Variants in CYTIP observed in about 807,000 individuals in gnomAD.
CYTIP encodes the protein cytohesin 1 interacting protein, also known as cytohesin-interacting protein.
A neutral mutation model predicts 43.8 loss-of-function variants in CYTIP; 26 were observed. That is an observed-to-expected ratio of 0.59 (90% CI 0.44 to 0.82). CYTIP has a LOEUF of 0.82. CYTIP is among the 40% of genes least tolerant of loss of function. CYTIP has a pLI of 0.00. For missense variants in CYTIP, 426 were observed against 443.1 expected, an observed-to-expected ratio of 0.96 and a Z score of 0.35; for synonymous variants, 162 against 162.9, an observed-to-expected ratio of 0.99 and a Z score of 0.04.
intron 1 of CYTIP, 64 bp from the exon 2 acceptor site, chr2:157,434,811 AATCTCTCT>A: frequency 1.6e-6 from 1 of 639,634 alleles, no homozygotes; most frequent in Non-Finnish European, 2.4e-6. Context: ...AAATGTTCTA[AATCTCTCT>A]CTCTCTCTCT....
rs1032505735 is a variant in CYTIP, at chr2:157,427,476, T to C, written c.477-56A>G. On this transcript the variant is annotated intron_variant, in intron 5 of 7. Transcript: ENST00000264192. ...GGTGGGGAGTGAGTAACATGAGTGA[T>C]TCGTTTAAATAAGTACCATACTACA... 5.4e-6 allele frequency: 7 copies of C among 1,299,802 alleles called. No individual in the cohort carries two copies. In the Admixed American group the frequency reaches 1.1e-4, roughly 20 times the overall value. 80.5% of individuals were successfully genotyped at this position (1,299,802 alleles called of 1,614,324 possible). A position where few individuals can be genotyped will look rare whatever the true frequency, so the allele number is the denominator to read the frequency against.
chr2:157,430,054 C>CATT (rs894517116), intron 5 of CYTIP, among the ~76,000 whole-genome samples: 19 of 147,812 alleles, frequency 1.3e-4, no homozygotes, highest in African/African-American at 3.7e-4. Context: ...AAGTTTGGAA[C>CATT]ATTTGGAACA....
chr2:157,438,989 T>C, intron 1 of CYTIP: 1 of 417,366 alleles, frequency 2.4e-6, no homozygotes, highest in Admixed American at 2.5e-5. Context: ...TGTAAAATCT[T>C]TTAAACCACA....
At chr2:157,423,387 A>C (rs1204666721) in intron 6 of CYTIP, among the ~76,000 whole-genome samples, 1 of 152,010 alleles carries the variant, frequency 6.6e-6, no homozygotes, top group Non-Finnish European at 1.5e-5. Context: ...TTAAAACATC[A>C]GAATAATATT....
chr2:157,416,204 T>A, intron 7 of CYTIP, 61 bp from the exon 8 acceptor site: 1 of 1,327,020 alleles, frequency 7.5e-7, no homozygotes, highest in Non-Finnish European at 1.0e-6. Flanking sequence ...ATAAATACAC[T>A]ACATCAAAAC....
intron 5 of CYTIP, among the ~76,000 whole-genome samples, chr2:157,428,256 T>C (rs1157515367): frequency 6.6e-6 from 1 of 152,228 alleles, no homozygotes; most frequent in Non-Finnish European, 1.5e-5. Context: ...ATTTTTAAAG[T>C]GTTGGTTCAA....
chr2:157,439,310 C>T (rs1425266960), intron 1 of CYTIP: 1 of 152,392 alleles, frequency 6.6e-6, no homozygotes. Flanking sequence ...CGTCTTGACA[C>T]AAAGCCTGCT....
intron 6 of CYTIP, among the ~76,000 whole-genome samples, chr2:157,420,395 A>G (rs935958945): frequency 6.6e-6 from 1 of 152,124 alleles, no homozygotes; most frequent in Admixed American, 6.6e-5. Context: ...AGGCATCTGT[A>G]ATCTCAGGTA....
At chr2:157,439,561 A>G (rs1685870658) in intron 1 of CYTIP, 1 of 152,226 alleles carries the variant, frequency 6.6e-6, no homozygotes, top group African/African-American at 2.4e-5. Context: ...CCCTCCAGTC[A>G]GAGCCTTTTC....
intron 6 of CYTIP, among the ~76,000 whole-genome samples, chr2:157,423,412 G>A (rs1386456654): frequency 6.6e-6 from 1 of 151,278 alleles, no homozygotes; most frequent in East Asian, 2.0e-4. Flanking sequence ...TGTCAACTCA[G>A]TTAATAAATT....
At chr2:157,440,830 C>T (rs914739306) in intron 1 of CYTIP, among the ~76,000 whole-genome samples, 1 of 152,164 alleles carries the variant, frequency 6.6e-6, no homozygotes, top group Non-Finnish European at 1.5e-5. Flanking sequence ...CAACGTACTA[C>T]ATTTATGAGA....
Position 157,430,875 on chromosome 2 carries a change from CA to C in CYTIP, c.366del (p.Cys122TrpfsTer16). 1 of 1,610,320 alleles carries C rather than the reference CA, an allele frequency of 6.2e-7. No individual in the cohort carries two copies. Among genetic ancestry groups the C allele is most frequent in the Non-Finnish European group, 8.5e-7 (1 of 1,178,966 alleles). On this transcript the variant is annotated frameshift_variant, in exon 4 of 8. Coordinates refer to ENST00000264192, the MANE Select transcript of CYTIP (RefSeq NM_004288.5). LOFTEE classifies it high-confidence loss of function. The stretch of plus-strand genomic sequence containing the variant: ...TTTAAGTTACCAGCTTGCAGGCCAG[CA>C]CAGTGAGCTGGGCTGTCCTCCTGTA... ...CKIQEDSPAHCAGLQAGDVLA... is the reference protein window; with the variant it reads ...CKIQEDSPAHXAGLQAGDVLA...
At chr2:157,437,698 C>CAAAAA (rs137924124) in intron 1 of CYTIP, among the ~76,000 whole-genome samples, 1 of 118,350 alleles carries the variant, frequency 8.4e-6, no homozygotes, top group Non-Finnish European at 1.7e-5. Context: ...GACTCCATCT[C>CAAAAA]AAAAAAAAAA....
chr2:157,435,066 G>A (rs1685790796), intron 1 of CYTIP, among the ~76,000 whole-genome samples: 1 of 151,926 alleles, frequency 6.6e-6, no homozygotes. Context: ...AATACAATGT[G>A]GCAAAAGAGT....
rs1216611671 is a variant in CYTIP, at chr2:157,434,690, C to A, written c.224+8G>T. 1 of 1,604,746 alleles carries A rather than the reference C, an allele frequency of 6.2e-7. No homozygotes were observed. The highest frequency in any genetic ancestry group is 1.3e-5 in the African/African-American group (1 of 74,704). ...TGGGAGAGACAAAAAATAATTCAAT[C>A]TCTTTACCTTTGAGACCAGGAAAAG... On this transcript the variant is annotated splice_region_variant and intron_variant, in intron 2 of 7. Coordinates refer to ENST00000264192, the MANE Select transcript of CYTIP (RefSeq NM_004288.5).
intron 7 of CYTIP, 123 bp from the exon 8 acceptor site, chr2:157,416,266 A>T: frequency 1.3e-6 from 1 of 787,288 alleles, no homozygotes. Flanking sequence ...CTTTTCACTG[A>T]GCTTTGGCGT....
chr2:157,434,737 G>A lies in CYTIP; in HGVS notation c.185C>T (p.Thr62Ile), dbSNP rs1685780096. 6.2e-7 allele frequency: 1 copy of A among 1,610,956 alleles called. No individual in the cohort carries two copies. The highest frequency in any genetic ancestry group is 8.5e-7 in the Non-Finnish European group (1 of 1,178,472). Residue 62 changes from threonine to isoleucine, a missense_variant, in exon 2 of 8, where the codon ACC becomes ATC. Coordinates refer to ENST00000264192, the MANE Select transcript of CYTIP (RefSeq NM_004288.5). ...AAAGTCACTTAAAGAACTTGATCTG[G>A]TCAAAGCAAGCTGAAAAACACAAAA... ...LPRGRKQLAL[T>I]RSSSLSDFSW...
chr2:157,423,948 A>G (rs1342929589), intron 6 of CYTIP, among the ~76,000 whole-genome samples: 1 of 152,208 alleles, frequency 6.6e-6, no homozygotes, highest in Non-Finnish European at 1.5e-5. Context: ...TTAATGGACA[A>G]GCACTATAAA....
At chr2:157,426,704 A>G (rs1053507099) in intron 6 of CYTIP, among the ~76,000 whole-genome samples, 3 of 152,198 alleles carry the variant, frequency 2.0e-5, no homozygotes, top group African/African-American at 7.2e-5. Flanking sequence ...ACTATGACTC[A>G]GATGCATGAG....
Sources: allele counts gnomAD v4.1 joint callset (sites outside exome capture counted in the v4.1 genomes callset), GRCh38; gene constraint gnomAD v4.1.1; transcripts MANE v1.5; gene names NCBI Gene and HGNC (gene_info 2026-07-23, HGNC 2026-07-21).